The following FOXP1 variants were observed in gnomAD, a reference collection of about 807,000 sequenced individuals.
The protein encoded by FOXP1 is forkhead box P1.
In FOXP1, 15 loss-of-function variants were observed where a neutral mutation model predicts 98.2. That is an observed-to-expected ratio of 0.15 (90% CI 0.10 to 0.24). The LOEUF (loss-of-function observed/expected upper bound fraction) is 0.24. Ranked by LOEUF, FOXP1 falls within the 10% of genes least tolerant of loss-of-function variation. FOXP1 has a pLI of 1.00. For missense variants in FOXP1, 633 were observed against 848.5 expected (o/e 0.75, Z 3.15); for synonymous variants, 371 against 314.5 (o/e 1.18, Z -1.90).
intron 2 of FOXP1, chr3:71,572,297 C>T (rs1032165805): frequency 5.3e-5 from 8 of 152,042 alleles, no homozygotes; most frequent in Non-Finnish European, 8.8e-5. Flanking sequence ...TTTTTTCCCC[C>T]AAAACACAGA....
chr3:71,349,225 AAGAT>A (rs1397419787), intron 4 of FOXP1, among the ~76,000 whole-genome samples: 1 of 152,248 alleles, frequency 6.6e-6, no homozygotes, highest in African/African-American at 2.4e-5. Context: ...TTCCTAGTGA[AAGAT>A]AATGTGATGA....
intron 5 of FOXP1, among the ~76,000 whole-genome samples, chr3:71,205,255 A>G (rs1221763859): frequency 2.0e-5 from 3 of 152,182 alleles, no homozygotes; most frequent in African/African-American, 7.2e-5. Context: ...CTTTCTCATT[A>G]ATTTTCTTGT....
chr3:71,218,645 T>A (rs550797662), intron 5 of FOXP1, among the ~76,000 whole-genome samples: 2 of 152,348 alleles, frequency 1.3e-5, no homozygotes, highest in Non-Finnish European at 2.9e-5. Flanking sequence ...CTGTCCCAGC[T>A]ACTTAGCGCT....
intron 4 of FOXP1, among the ~76,000 whole-genome samples, chr3:71,323,818 A>T (rs796662882): frequency 6.6e-6 from 1 of 152,196 alleles, no homozygotes. Flanking sequence ...TTCTATTTCC[A>T]TCTATTCCAC....
intron 19 of FOXP1, among the ~76,000 whole-genome samples, chr3:70,967,697 TTTG>T (rs2035193907): frequency 9.6e-6 from 1 of 104,500 alleles, no homozygotes; most frequent in Non-Finnish European, 1.8e-5. Context: ...GTTTTTTTTT[TTTG>T]TTTTTTTTTG....
In FOXP1 at chr3:71,447,553, C is replaced by G. The variant is rs1374358848; in HGVS notation, c.-168+45873G>C. 1.3e-4 allele frequency among the ~76,000 whole-genome samples: 20 copies of G among 152,116 alleles called. 1 individual carries two copies. The highest frequency in any genetic ancestry group is 1.3e-3 in the Admixed American group (20 of 15,258). ...CTTTTCCCTTCTGGACAGATGAAAC[C>G]ATCGAGGCCTATGTCCAGTTACCAG... On this transcript the variant is annotated intron_variant, in intron 3 of 20. Coordinates refer to ENST00000649528, the MANE Select transcript of FOXP1 (RefSeq NM_001349338.3).
intron 11 of FOXP1, 130 bp from the exon 12 acceptor site, chr3:71,015,783 A>G: frequency 1.6e-6 from 1 of 637,256 alleles, no homozygotes; most frequent in South Asian, 1.8e-5. Flanking sequence ...GATTTCCCCC[A>G]TCCCATGTAA....
At chr3:71,583,453 TTTTCTTTC>T in intron 1 of FOXP1, 110 bp downstream of exon 1, 1 of 980,086 alleles carries the variant, frequency 1.0e-6, no homozygotes. Context: ...TTTTTTCTCT[TTTTCTTTC>T]TTTCTTTTTT....
intron 3 of FOXP1, among the ~76,000 whole-genome samples, chr3:71,444,614 T>C (rs112190453): frequency 0.014 from 2,060 of 152,260 alleles, 54 homozygotes; most frequent in African/African-American, 0.046. Context: ...CAGTTTTCAT[T>C]GGTGGGGCGC....
At chr3:71,016,326 C>A (rs773185933) in intron 11 of FOXP1, among the ~76,000 whole-genome samples, 1 of 152,104 alleles carries the variant, frequency 6.6e-6, no homozygotes, top group Non-Finnish European at 1.5e-5. Context: ...CCAATCAATA[C>A]GTAATGATCT....
At chr3:71,275,397 T>C (rs2070782440) in intron 5 of FOXP1, among the ~76,000 whole-genome samples, 1 of 152,304 alleles carries the variant, frequency 6.6e-6, no homozygotes. Context: ...CCTGGGTGGG[T>C]ATAAGTCCCT....
chr3:71,384,405 A>C (rs905794752), intron 3 of FOXP1, among the ~76,000 whole-genome samples: 21 of 152,342 alleles, frequency 1.4e-4, no homozygotes, highest in African/African-American at 5.1e-4. Flanking sequence ...AACGGAAACA[A>C]GGAATATCAA....
At chr3:71,281,358 G>T (rs1471091430) in intron 5 of FOXP1, among the ~76,000 whole-genome samples, 2 of 152,226 alleles carry the variant, frequency 1.3e-5, no homozygotes, top group African/African-American at 4.8e-5. Flanking sequence ...GATAATAATG[G>T]GGTCAAGGTC....
chr3:71,105,262 C>T (rs553528967), intron 7 of FOXP1, among the ~76,000 whole-genome samples: 10 of 152,228 alleles, frequency 6.6e-5, no homozygotes, highest in East Asian at 5.8e-4. Context: ...AGCAAGGGTC[C>T]GACAGTGTTA....
At chr3:71,581,820 CG>C in intron 1 of FOXP1, 123 bp from the exon 2 acceptor site, 7 of 985,992 alleles carry the variant, frequency 7.1e-6, no homozygotes, top group Non-Finnish European at 8.4e-6. Flanking sequence ...CAGCGGGCTC[CG>C]AGGACCCGCG....
intron 10 of FOXP1, among the ~76,000 whole-genome samples, chr3:71,043,706 G>A (rs2048651625): frequency 6.6e-6 from 1 of 152,220 alleles, no homozygotes; most frequent in Admixed American, 6.5e-5. Context: ...TCAGCTGCAT[G>A]GGAGGTGGGA....
intron 13 of FOXP1, among the ~76,000 whole-genome samples, chr3:70,989,068 A>T (rs911883616): frequency 5.3e-4 from 80 of 152,334 alleles, no homozygotes; most frequent in African/African-American, 1.9e-3. Flanking sequence ...GTTCTGTCAC[A>T]TAATTAACCT....
At chr3:71,037,541 G>A (rs562129280) in intron 11 of FOXP1, among the ~76,000 whole-genome samples, 1 of 152,260 alleles carries the variant, frequency 6.6e-6, no homozygotes, top group East Asian at 1.9e-4. Context: ...ATGACAGCAA[G>A]AGGCTTGAAT....
chr3:71,089,103 C>T (rs945762975), intron 7 of FOXP1, among the ~76,000 whole-genome samples: 3 of 152,092 alleles, frequency 2.0e-5, no homozygotes, highest in East Asian at 3.9e-4. Context: ...ACCCAACCTC[C>T]GAAACAAGCC....
Sources: gnomAD v4.1 joint callset for allele counts (sites outside exome capture counted in the v4.1 genomes callset) on GRCh38, gnomAD v4.1.1 for gene constraint, MANE v1.5 for transcripts, NCBI Gene and HGNC (gene_info 2026-07-23, HGNC 2026-07-21) for gene names.